The following UBOX5 variants were observed in gnomAD, a reference collection of about 807,000 sequenced individuals.
UBOX5 encodes RING finger protein 37.
Under a neutral mutation model 39.0 loss-of-function variants are expected in UBOX5, and 28 were observed. That is an observed-to-expected ratio of 0.72 (90% confidence interval 0.53 to 0.98). UBOX5 has a LOEUF of 0.98. Among genes scored for constraint, UBOX5 ranks in the 50% least tolerant of loss-of-function variants. UBOX5 has a pLI of 0.00. For missense variants in UBOX5, 585 were observed against 674.4 expected (o/e 0.87, Z 1.47); for synonymous variants, 283 against 275.5 (o/e 1.03, Z -0.27).
intron 3 of UBOX5, among the ~76,000 whole-genome samples, chr20:3,117,807 C>T (rs1217479104): frequency 6.6e-6 from 1 of 152,046 alleles, no homozygotes; most frequent in Admixed American, 6.6e-5. Context: ...GCCTGGCCAA[C>T]ATGGCGAAAC....
In UBOX5 at chr20:3,148,208, A is replaced by G. The variant is rs2422857; in HGVS notation, c.-42+11558T>C. ...CTGGGATACCTGACGATTTTCACCT[A>G]TAACATAAATTAAGTGAACTAGCTG... On this transcript the variant is annotated intron_variant, in intron 1 of 4. Transcript: ENST00000217173. 2,713 of 1,614,046 alleles carry G rather than the reference A, an allele frequency of 1.7e-3. 3 individuals carry two copies. Among genetic ancestry groups the G allele is most frequent in the Non-Finnish European group, 2.2e-3 (2,548 of 1,180,036 alleles).
chr20:3,119,830 G>T (rs1204698130), intron 3 of UBOX5, among the ~76,000 whole-genome samples: 1 of 151,886 alleles, frequency 6.6e-6, no homozygotes, highest in Non-Finnish European at 1.5e-5. Context: ...CTCCAGCCTG[G>T]GTAACAGAGT....
At chr20:3,131,983 G>A (rs2066432215) in intron 1 of UBOX5, among the ~76,000 whole-genome samples, 1 of 140,290 alleles carries the variant, frequency 7.1e-6, no homozygotes, top group African/African-American at 2.7e-5. Flanking sequence ...ACTCCAGCCT[G>A]GGCAATAGAG....
rs115243127 is a variant in UBOX5, at chr20:3,146,978, G to A, written c.-42+12788C>T. On this transcript the variant is annotated intron_variant, in intron 1 of 4. Transcript: ENST00000217173. ...CTGGTTCCTGTTTGTGAACTGAACA[G>A]CCAGCTTCATTCTTGGGGTCTGCAT... 7.0e-5 allele frequency: 113 copies of A among 1,614,184 alleles called. No homozygotes were observed. In the East Asian group the frequency reaches 1.4e-3, roughly 21 times the overall value.
At position 3,121,881 on chromosome 20, in the gene UBOX5, G is replaced by A. The variant is rs1360065623; in HGVS notation, c.758C>T (p.Ala253Val). ...CTCAGGCACATCCTGAATGATCTCGGCCAGCTTCTGCAGGCTGGAGGGAGC... is the reference window on the plus strand; with the variant it reads ...CTCAGGCACATCCTGAATGATCTCGACCAGCTTCTGCAGGCTGGAGGGAGC... The part of the protein sequence containing the change: ...QQAPSSLQKL[A>V]EIIQDVPEEF... Residue 253 changes from alanine (A) to valine (V), a missense_variant, in exon 3 of 5, where the codon GCC becomes GTC. Coordinates refer to ENST00000217173, the MANE Select transcript of UBOX5 (RefSeq NM_014948.4). The A allele has an allele frequency of 1.9e-6, 3 of 1,613,894 alleles. No individual in the cohort carries two copies. The highest frequency in any genetic ancestry group is 2.5e-6 in the Non-Finnish European group (3 of 1,180,026).
At chr20:3,120,188 A>G (rs1463732840) in intron 3 of UBOX5, among the ~76,000 whole-genome samples, 1 of 151,930 alleles carries the variant, frequency 6.6e-6, no homozygotes, top group Non-Finnish European at 1.5e-5. Context: ...CTCTACTAAA[A>G]ATACAAAAAT....
At chr20:3,155,220 C>T (rs1431292416) in intron 1 of UBOX5, among the ~76,000 whole-genome samples, 2 of 151,764 alleles carry the variant, frequency 1.3e-5, no homozygotes, top group African/African-American at 4.8e-5. Context: ...ATGGTGAAAC[C>T]CTGTCTCTAC....
At position 3,121,607 on chromosome 20, in the gene UBOX5, C is replaced by T. The variant is rs1421684466; in HGVS notation, c.1032G>A (p.Gly344=). The T allele has an allele frequency of 6.2e-7, 1 of 1,606,648 alleles. No individual in the cohort carries two copies. The highest frequency in any genetic ancestry group is 8.5e-7 in the Non-Finnish European group (1 of 1,176,448). The change falls in exon 3 of 5, where the codon GGG becomes GGA. Residue 344 remains glycine, a synonymous_variant. Coordinates refer to ENST00000217173, the MANE Select transcript of UBOX5 (RefSeq NM_014948.4). ...QHSIPGCHLL[G]RAQTALAVIP... is the part of the protein sequence containing the mutation. ...TCACTGCCAATGCCGTCTGTGCTCT[C>T]CCAAGCAGGTGGCAGCCAGGGATGG...
intron 4 of UBOX5, 83 bp from the exon 5 acceptor site, chr20:3,110,397 A>G: frequency 6.7e-7 from 1 of 1,481,790 alleles, no homozygotes; most frequent in South Asian, 1.2e-5. Flanking sequence ...GAGCCTTCCC[A>G]CCGTGCTGCT....
rs2066603099 is a variant in UBOX5 at position 3,149,485 on chromosome 20, T to C, written c.-42+10281A>G. Among the ~76,000 whole-genome samples, 1 of 152,168 alleles carries C rather than the reference T, an allele frequency of 6.6e-6. No homozygotes were observed. Among genetic ancestry groups the C allele is most frequent in the African/African-American group, 2.4e-5 (1 of 41,450 alleles). On this transcript the variant is annotated intron_variant, in intron 1 of 4. Transcript: ENST00000217173. The surrounding 1 kb of genome is among the most constrained non-coding windows in gnomAD (Gnocchi z 4.1). ...GGGTACCCGTGGGCAGTTCCTGGAC[T>C]GCTGCTCACCAGACTTCCTTCACTG...
At chr20:3,157,842 T>G (rs2066702747) in intron 1 of UBOX5, among the ~76,000 whole-genome samples, 1 of 152,178 alleles carries the variant, frequency 6.6e-6, no homozygotes. Context: ...TTTGCAAGGC[T>G]GTATAGAGGC....
chr20:3,110,491 C>T (rs1173386744), intron 4 of UBOX5, 177 bp from the exon 5 acceptor site: 2 of 669,998 alleles, frequency 3.0e-6, no homozygotes, highest in East Asian at 2.7e-5. Context: ...CCTGGGAACC[C>T]GGGAGGCCTC....
chr20:3,125,000 C>CAT (rs1303212620), intron 1 of UBOX5, among the ~76,000 whole-genome samples: 16 of 149,934 alleles, frequency 1.1e-4, no homozygotes, highest in East Asian at 4.0e-4. Context: ...CCCGGCCGCC[C>CAT]CGTCTGAGAA....
chr20:3,109,945 G>T lies in UBOX5; in HGVS notation c.*161C>A. ...TTGTTGCCCTATTGCCACCAGCGCA[G>T]AAGCAATGTGCTATACCGTGAGGTG... On this transcript the variant is annotated 3_prime_UTR_variant, in exon 5 of 5. Coordinates refer to ENST00000217173, the MANE Select transcript of UBOX5 (RefSeq NM_014948.4). 1 of 795,728 alleles carries T rather than the reference G, an allele frequency of 1.3e-6. No individual in the cohort carries two copies. The highest frequency in any genetic ancestry group is 2.0e-6 in the Non-Finnish European group (1 of 505,614). The allele number at this position is 795,728 out of a possible 1,614,324, so 49.3% of individuals were successfully genotyped here.
In UBOX5 at chr20:3,132,245, G is replaced by A. The variant is rs1378745789; in HGVS notation, c.-41-8839C>T. On this transcript the variant is annotated intron_variant, in intron 1 of 4. Transcript: ENST00000217173. ...GAATCACTTGAGCCCAGGAGGCAGA[G>A]GCTGCAGTAAGCCGAGATCACGCCA... Among the ~76,000 whole-genome samples the A allele has an allele frequency of 1.6e-4, 24 of 152,044 alleles. No individual in the cohort carries two copies. In the East Asian group the frequency reaches 4.6e-3, roughly 29 times the overall value.
chr20:3,113,640 G>T (rs2066271799), intron 4 of UBOX5, among the ~76,000 whole-genome samples: 1 of 152,094 alleles, frequency 6.6e-6, no homozygotes, highest in Non-Finnish European at 1.5e-5. Context: ...GGTCACCTTG[G>T]GGGAGGATGG....
intron 1 of UBOX5, among the ~76,000 whole-genome samples, chr20:3,141,576 G>A (rs2066517722): frequency 1.3e-5 from 2 of 152,084 alleles, no homozygotes; most frequent in Admixed American, 6.6e-5. Context: ...AACCCGGGAG[G>A]CGGAGGTTGT....
intron 1 of UBOX5, among the ~76,000 whole-genome samples, chr20:3,138,376 G>A (rs554006026): frequency 1.1e-4 from 16 of 152,152 alleles, no homozygotes; most frequent in Non-Finnish European, 2.1e-4. Flanking sequence ...AGGTAATGGT[G>A]GGCATGCAGA....
At chr20:3,142,744 G>C (rs1222885493) in intron 1 of UBOX5, among the ~76,000 whole-genome samples, 2 of 134,696 alleles carry the variant, frequency 1.5e-5, no homozygotes, top group Non-Finnish European at 3.1e-5. Context: ...CTGCACTCCA[G>C]CCTGGGCGAC....
Sources: allele counts gnomAD v4.1 joint callset (sites outside exome capture counted in the v4.1 genomes callset), GRCh38; gene constraint gnomAD v4.1.1; non-coding constraint Gnocchi (gnomAD v3.1); transcripts MANE v1.5; gene names NCBI Gene and HGNC (gene_info 2026-07-23, HGNC 2026-07-21).